SLC7A11: variants seen among roughly 807,000 people sequenced by gnomAD.
SLC7A11 encodes cystine/glutamate transporter.
SLC7A11 carries 35 observed loss-of-function variants against 54.5 expected under a neutral mutation model. That is an observed-to-expected ratio of 0.64 (90% CI 0.49 to 0.85). The LOEUF (loss-of-function observed/expected upper bound fraction) is 0.85, where lower values mean the gene tolerates loss of function less well. Among genes scored for constraint, SLC7A11 ranks in the 40% least tolerant of loss-of-function variants. The probability of loss-of-function intolerance (pLI) is 0.00; values close to 1 mark genes in which losing one functional copy is unlikely to be tolerated. For missense variants in SLC7A11, 583 were observed against 618.1 expected, an observed-to-expected ratio of 0.94 and a Z score of 0.60; for synonymous variants, 230 against 225.2, an observed-to-expected ratio of 1.02 and a Z score of -0.19.
chr4:138,177,588 C>T (rs1325318877), intron 11 of SLC7A11: 1 of 152,024 alleles, frequency 6.6e-6, no homozygotes, highest in African/African-American at 2.4e-5. Flanking sequence ...AAAATACATA[C>T]ACTCAAAAAT....
chr4:138,224,927 A>T (rs556428309), intron 3 of SLC7A11, among the ~76,000 whole-genome samples: 1 of 151,996 alleles, frequency 6.6e-6, no homozygotes, highest in South Asian at 2.1e-4. Context: ...TAGAACACTA[A>T]ATAATTTTCA....
intron 6 of SLC7A11, among the ~76,000 whole-genome samples, chr4:138,193,084 C>G (rs918505481): frequency 3.9e-5 from 6 of 152,120 alleles, no homozygotes; most frequent in Admixed American, 6.5e-5. Flanking sequence ...CACAACCAGG[C>G]CCCATCACAT....
At chr4:138,181,823 CTCTCAAATG>C (rs1403678761) in intron 9 of SLC7A11, among the ~76,000 whole-genome samples, 1 of 152,106 alleles carries the variant, frequency 6.6e-6, no homozygotes, top group Non-Finnish European at 1.5e-5. Flanking sequence ...AAGACACTTG[CTCTCAAATG>C]TCTCAAATGA....
At chr4:138,215,817 C>T (rs956930393) in intron 5 of SLC7A11, among the ~76,000 whole-genome samples, 5 of 152,148 alleles carry the variant, frequency 3.3e-5, no homozygotes, top group Non-Finnish European at 7.4e-5. Flanking sequence ...TCACACACCC[C>T]AAGAAATATT....
intron 6 of SLC7A11, among the ~76,000 whole-genome samples, chr4:138,205,103 T>A (rs1737377056): frequency 6.6e-6 from 1 of 152,006 alleles, no homozygotes; most frequent in Non-Finnish European, 1.5e-5. Flanking sequence ...ATGAGAACTA[T>A]AATATAGGGA....
At chr4:138,187,874 GAGA>G (rs1372515756) in intron 6 of SLC7A11, among the ~76,000 whole-genome samples, 1 of 151,934 alleles carries the variant, frequency 6.6e-6, no homozygotes, top group Non-Finnish European at 1.5e-5. Flanking sequence ...TTTTTTTATA[GAGA>G]AGGAGGGAAG....
chr4:138,214,913 G>A (rs964284554), intron 5 of SLC7A11, among the ~76,000 whole-genome samples: 1 of 152,158 alleles, frequency 6.6e-6, no homozygotes, highest in Non-Finnish European at 1.5e-5. Flanking sequence ...TACAGTGCAG[G>A]TCCAATACTG....
intron 6 of SLC7A11, among the ~76,000 whole-genome samples, chr4:138,212,206 G>A (rs531416305): frequency 1.3e-4 from 20 of 151,904 alleles, no homozygotes; most frequent in African/African-American, 4.6e-4. Context: ...GACACTAAAA[G>A]TTTAGAAAGT....
In SLC7A11 at chr4:138,180,676, G is replaced by T; in HGVS notation, c.1231C>A (p.Arg411=). The stretch of plus-strand genomic sequence containing the variant: ...CGATGCATATCTGGGCATTTGTATC[G>T]AAGATAAATCAGCCCAGCAACTGCC... The part of the protein sequence containing the change: ...GLAVAGLIYL[R]YKCPDMHRPF... Residue 411 remains arginine (R), a synonymous_variant, in exon 10 of 12, where the codon CGA becomes AGA. Transcript: ENST00000280612. 6.2e-7 allele frequency: 1 copy of T among 1,612,870 alleles called. No homozygotes were observed. Among genetic ancestry groups the T allele is most frequent in the Non-Finnish European group, 8.5e-7 (1 of 1,179,360 alleles).
chr4:138,225,044 T>C lies in SLC7A11; in HGVS notation c.521-1720A>G, dbSNP rs767878519. 1.4e-4 allele frequency among the ~76,000 whole-genome samples: 21 copies of C among 149,992 alleles called. No homozygotes were observed. In the East Asian group the frequency reaches 1.8e-3, roughly 13 times the overall value. ...CTGAATTGTATACTTGAAATATACT[T>C]AAATGTTCTCACCACAGAACAAAAC... On this transcript the variant is annotated intron_variant, in intron 3 of 11. Transcript: ENST00000280612.
intron 6 of SLC7A11, among the ~76,000 whole-genome samples, chr4:138,199,141 C>G (rs941423402): frequency 6.6e-6 from 1 of 152,220 alleles, no homozygotes; most frequent in East Asian, 1.9e-4. Context: ...GAAAAATGCA[C>G]ATTTACATTT....
chr4:138,216,053 C>A (rs1274682939), intron 5 of SLC7A11, among the ~76,000 whole-genome samples: 1 of 152,196 alleles, frequency 6.6e-6, no homozygotes, highest in Non-Finnish European at 1.5e-5. Flanking sequence ...TTCACACATC[C>A]TGTGGGAAAT....
rs537358861 is a variant in SLC7A11, at chr4:138,204,767, G to A, written c.791+9818C>T. On this transcript the variant is annotated intron_variant, in intron 6 of 11. Coordinates refer to ENST00000280612, the MANE Select transcript of SLC7A11 (RefSeq NM_014331.4). ...TCTGCCAGGAAGTCATTCTGATTAC[G>A]ATGTGTGAGCATATTGTCACCTGAG... Among the ~76,000 whole-genome samples, 67 of 151,882 alleles carry A rather than the reference G, an allele frequency of 4.4e-4. 1 individual carries two copies. Among genetic ancestry groups the A allele is most frequent in the Non-Finnish European group, 5.9e-5 (4 of 67,914 alleles).
intron 6 of SLC7A11, among the ~76,000 whole-genome samples, chr4:138,186,893 G>A (rs1736894257): frequency 6.6e-6 from 1 of 152,094 alleles, no homozygotes; most frequent in Non-Finnish European, 1.5e-5. Flanking sequence ...CCCATATGGG[G>A]AGTAAATTCT....
In SLC7A11 at chr4:138,165,182, C is replaced by T. The variant is rs181884649; in HGVS notation, c.*6774G>A. The T allele has an allele frequency of 1.7e-3, 254 of 152,682 alleles. No homozygotes were observed. Among genetic ancestry groups the T allele is most frequent in the African/African-American group, 5.9e-3 (244 of 41,558 alleles). The allele number at this position is 152,682 out of a possible 1,614,324, so 9.5% of individuals were successfully genotyped here. Reference sequence around the variant, plus strand: ...TTTAGACAAAGCTTTCTAAAACCATCTTTATAAAGTAAATTCAGATATGCT... The same window carrying T: ...TTTAGACAAAGCTTTCTAAAACCATTTTTATAAAGTAAATTCAGATATGCT... On this transcript the variant is annotated 3_prime_UTR_variant, in exon 12 of 12. Transcript: ENST00000280612.
rs568182850 is a variant in SLC7A11, at chr4:138,169,706, C to T, written c.*2250G>A. ...TCAGGAAAATTTGCTTGTTTAAATT[C>T]TATGAGCCTAGTCTATGGGGAAAAA... is the stretch of plus-strand genomic sequence containing the variant. On this transcript the variant is annotated 3_prime_UTR_variant, in exon 12 of 12. Transcript: ENST00000280612. The T allele has an allele frequency of 6.6e-6, 1 of 151,638 alleles. No individual in the cohort carries two copies. Among genetic ancestry groups the T allele is most frequent in the African/African-American group, 2.4e-5 (1 of 41,352 alleles). 9.4% of individuals were successfully genotyped at this position (151,638 alleles called of 1,614,324 possible).
In SLC7A11 at chr4:138,169,218, A is replaced by C. The variant is rs974115222; in HGVS notation, c.*2738T>G. On this transcript the variant is annotated 3_prime_UTR_variant, in exon 12 of 12. Coordinates refer to ENST00000280612, the MANE Select transcript of SLC7A11 (RefSeq NM_014331.4). ...GCATATCGTATAAAAATATGAGAAA[A>C]ATTTTACTTATATAAAAACATATAT... The C allele has an allele frequency of 8.6e-5, 13 of 151,968 alleles. No individual in the cohort carries two copies. Among genetic ancestry groups the C allele is most frequent in the Non-Finnish European group, 1.8e-4 (12 of 67,958 alleles). The allele number at this position is 151,968 out of a possible 1,614,324, so 9.4% of individuals were successfully genotyped here.
intron 6 of SLC7A11, among the ~76,000 whole-genome samples, chr4:138,192,274 A>C (rs1737030477): frequency 6.6e-6 from 1 of 152,154 alleles, no homozygotes; most frequent in African/African-American, 2.4e-5. Flanking sequence ...TCATTCTTGC[A>C]AACAGAATGT....
At chr4:138,185,691 A>G (rs1237610375) in intron 6 of SLC7A11, among the ~76,000 whole-genome samples, 1 of 152,174 alleles carries the variant, frequency 6.6e-6, no homozygotes, top group Non-Finnish European at 1.5e-5. Flanking sequence ...CCACTGTCCT[A>G]TAAACATTTC....
Sources: gnomAD v4.1 joint callset for allele counts (sites outside exome capture counted in the v4.1 genomes callset) on GRCh38, gnomAD v4.1.1 for gene constraint, MANE v1.5 for transcripts, NCBI Gene and HGNC (gene_info 2026-07-23, HGNC 2026-07-21) for gene names.